The following DPM1 variants were observed in gnomAD, a reference collection of about 807,000 sequenced individuals.
DPM1 encodes dolichyl-phosphate mannosyltransferase subunit 1, catalytic, also known as dolichol-phosphate mannosyltransferase subunit 1.
Under a neutral mutation model 39.0 loss-of-function variants are expected in DPM1, and 27 were observed. That is an observed-to-expected ratio of 0.69 (90% confidence interval 0.51 to 0.95). The LOEUF (loss-of-function observed/expected upper bound fraction) is 0.95, where lower values mean the gene tolerates loss of function less well. Among genes scored for constraint, DPM1 ranks in the 40% least tolerant of loss-of-function variants. DPM1 has a pLI of 0.00. For missense variants in DPM1, 307 were observed against 315.6 expected (o/e 0.97, Z 0.21); for synonymous variants, 124 against 109.0 (o/e 1.14, Z -0.86).
At chr20:50,952,664 G>A (rs1195463101) in intron 2 of DPM1, among the ~76,000 whole-genome samples, 2 of 152,090 alleles carry the variant, frequency 1.3e-5, no homozygotes, top group Non-Finnish European at 2.9e-5. Context: ...TGAATTATCT[G>A]GTTGGTTGGG....
At chr20:50,953,828 C>T (rs937896945) in intron 2 of DPM1, among the ~76,000 whole-genome samples, 4 of 152,202 alleles carry the variant, frequency 2.6e-5, no homozygotes, top group Non-Finnish European at 5.9e-5. Context: ...TGTTGTGAAT[C>T]AGTGGCCTTC....
intron 6 of DPM1, chr20:50,941,229 T>TAC (rs1184952654): frequency 3.8e-5 from 2 of 52,906 alleles, no homozygotes; most frequent in African/African-American, 2.1e-4. Context: ...AAAAAGTGAA[T>TAC]ATATATATAT....
rs547853268 is a variant in DPM1, at chr20:50,943,453, G to A, written c.399-1327C>T. On this transcript the variant is annotated intron_variant, in intron 5 of 8. Coordinates refer to ENST00000371588, the MANE Select transcript of DPM1 (RefSeq NM_003859.3). ...CGGCTCACTGCAACCTCCACCTCCC[G>A]GGTTCAAGTGATTCTCCTGCCTCAG... Among the ~76,000 whole-genome samples the A allele has an allele frequency of 2.3e-4, 34 of 147,962 alleles. 1 individual carries two copies. The South Asian group carries it at 5.5e-3, about 24-fold the overall frequency.
In DPM1 at chr20:50,941,005, G is replaced by A. The variant is rs557692394; in HGVS notation, c.495-72C>T. 5 of 1,331,708 alleles carry A rather than the reference G, an allele frequency of 3.8e-6. No homozygotes were observed. In the African/African-American group the frequency reaches 4.3e-5, roughly 12 times the overall value. The allele number at this position is 1,331,708 out of a possible 1,614,324, so 82.5% of individuals were successfully genotyped here. A position where few individuals can be genotyped will look rare whatever the true frequency, so the allele number is the denominator to read the frequency against. On this transcript the variant is annotated intron_variant, in intron 6 of 8. Coordinates refer to ENST00000371588, the MANE Select transcript of DPM1 (RefSeq NM_003859.3). Reference sequence around the variant, plus strand: ...AACAAGAGAAACACATCGAAGAACAGTGTTAAAATGCTATACTAATTTCAT... The same window carrying A: ...AACAAGAGAAACACATCGAAGAACAATGTTAAAATGCTATACTAATTTCAT...
At chr20:50,946,630 C>G (rs1247789412) in intron 3 of DPM1, among the ~76,000 whole-genome samples, 1 of 152,244 alleles carries the variant, frequency 6.6e-6, no homozygotes, top group Non-Finnish European at 1.5e-5. Context: ...AATTACTCAG[C>G]CAGCTCCATG....
chr20:50,953,807 TAACTC>T lies in DPM1; in HGVS notation c.261+1374_261+1378del, dbSNP rs1986700536. Reference sequence around the variant, plus strand: ...TGGTCCGAGATTAAATGGCAGCACATAACTCAAAAGTGTTGTGAATCAGTGGCCTT... The same window carrying T: ...TGGTCCGAGATTAAATGGCAGCACATAAAAGTGTTGTGAATCAGTGGCCTT... On this transcript the variant is annotated intron_variant, in intron 2 of 8. Transcript: ENST00000371588. Among the ~76,000 whole-genome samples, 3 of 152,304 alleles carry T rather than the reference TAACTC, an allele frequency of 2.0e-5. No individual in the cohort carries two copies. The South Asian group carries it at 6.2e-4, about 32-fold the overall frequency.
At chr20:50,938,908 G>A (rs893760400) in intron 7 of DPM1, among the ~76,000 whole-genome samples, 20 of 151,958 alleles carry the variant, frequency 1.3e-4, no homozygotes, top group African/African-American at 4.8e-4. Flanking sequence ...GAACCTGGGA[G>A]GCGGAGGTTG....
At chr20:50,947,782 C>T (rs1048897252) in intron 3 of DPM1, among the ~76,000 whole-genome samples, 6 of 152,192 alleles carry the variant, frequency 3.9e-5, no homozygotes, top group East Asian at 3.9e-4. Flanking sequence ...ATGCGCGTCA[C>T]GACGCCCAGC....
chr20:50,948,606 G>A (rs1986414615), intron 3 of DPM1, 23 bp downstream of exon 3: 1 of 1,611,986 alleles, frequency 6.2e-7, no homozygotes, highest in Non-Finnish European at 8.5e-7. Flanking sequence ...CAGGTGTGAG[G>A]GGTTAGAGAT....
At position 50,945,896 on chromosome 20, in the gene DPM1, T is replaced by C. The variant is rs988086642; in HGVS notation, c.323A>G (p.His108Arg). Residue 108 changes from histidine to arginine, a missense_variant, in exon 4 of 9, where the codon CAT becomes CGT. Around this residue, in one of 3 missense-constraint regions of DPM1, gnomAD observed 206 missense variants for 188.2 expected, o/e 1.09. Transcript: ENST00000371588. ...AATAATGATGTAGTTTCCTGTGGCATGTTTCATTCCATGAATATATGCAGT... is the reference window on the plus strand; with the variant it reads ...AATAATGATGTAGTTTCCTGTGGCACGTTTCATTCCATGAATATATGCAGT... ...LGTAYIHGMK[H>R]ATGNYIIIMD... 5 of 1,613,704 alleles carry C rather than the reference T, an allele frequency of 3.1e-6. No individual in the cohort carries two copies. The highest frequency in any genetic ancestry group is 4.2e-6 in the Non-Finnish European group (5 of 1,179,798).
At chr20:50,936,325 C>T in intron 7 of DPM1, 63 bp from the exon 8 acceptor site, 2 of 1,131,778 alleles carry the variant, frequency 1.8e-6, no homozygotes, top group Middle Eastern at 2.0e-4. Context: ...GTATCCTGAC[C>T]TTTCAAAGAG....
intron 7 of DPM1, 92 bp downstream of exon 7, chr20:50,940,773 A>G: frequency 9.1e-7 from 1 of 1,097,688 alleles, no homozygotes; most frequent in African/African-American, 1.6e-5. Flanking sequence ...GAATAAAAAC[A>G]AGGTAGAAAT....
At chr20:50,940,086 TTGTGTGTGTGTGTGTGTG>T (rs11469059) in intron 7 of DPM1, among the ~76,000 whole-genome samples, 20 of 146,632 alleles carry the variant, frequency 1.4e-4, no homozygotes, top group East Asian at 1.2e-3. Context: ...AGGTCCTAAT[TTGTGTGTGTGTGTGTGTG>T]TGTGTGTGTG....
intron 1 of DPM1, among the ~76,000 whole-genome samples, chr20:50,956,350 T>G (rs1005474651): frequency 6.6e-6 from 1 of 151,898 alleles, no homozygotes; most frequent in Non-Finnish European, 1.5e-5. Flanking sequence ...ACACCTGTAA[T>G]CCCAGCACTT....
rs568865155 is a variant in DPM1, at chr20:50,943,735, T to C, written c.399-1609A>G. On this transcript the variant is annotated intron_variant, in intron 5 of 8. Transcript: ENST00000371588. ...ATACTGGAATTGCCCAAATGAAGCC[T>C]GAGTATTTTTTTTTTTTTTTTTGAG... Among the ~76,000 whole-genome samples the C allele has an allele frequency of 5.0e-5, 7 of 139,022 alleles. No individual in the cohort carries two copies. The South Asian group carries it at 1.5e-3, about 30-fold the overall frequency. 91.2% of individuals were successfully genotyped at this position (139,022 alleles called of 152,430 possible).
intron 3 of DPM1, among the ~76,000 whole-genome samples, chr20:50,948,182 TCTGA>T (rs1986394101): frequency 6.6e-6 from 1 of 152,114 alleles, no homozygotes. Flanking sequence ...CCCTCCTACC[TCTGA>T]CTGGGAATTT....
intron 1 of DPM1, among the ~76,000 whole-genome samples, chr20:50,958,145 G>A (rs975012937): frequency 2.0e-5 from 3 of 152,224 alleles, no homozygotes; most frequent in African/African-American, 4.8e-5. Context: ...ATAAATGAGA[G>A]TCTCACAAAA....
At position 50,935,244 on chromosome 20, in the gene DPM1, A is replaced by AG. The variant is rs1555819596; in HGVS notation, c.679-9_679-8insC. On this transcript the variant is annotated splice_polypyrimidine_tract_variant and intron_variant, in intron 8 of 8. Transcript: ENST00000371588. ...CACAAATGATATTGGAACCTAGTTTAAAAAAAAAAAAGTAACGTTAGTCTT... is the reference window on the plus strand; with the variant it reads ...CACAAATGATATTGGAACCTAGTTTAGAAAAAAAAAAAGTAACGTTAGTCTT... The AG allele has an allele frequency of 1.2e-5, 9 of 723,836 alleles. No individual in the cohort carries two copies. The highest frequency in any genetic ancestry group is 1.7e-5 in the Non-Finnish European group (9 of 527,566). The allele number at this position is 723,836 out of a possible 1,614,324, so 44.8% of individuals were successfully genotyped here.
intron 3 of DPM1, among the ~76,000 whole-genome samples, chr20:50,947,330 C>T (rs1986347775): frequency 6.6e-6 from 1 of 152,206 alleles, no homozygotes; most frequent in Admixed American, 6.5e-5. Flanking sequence ...GAGATTGTGC[C>T]ACTGCACTCC....
Sources: allele counts gnomAD v4.1 joint callset (sites outside exome capture counted in the v4.1 genomes callset), GRCh38; gene constraint gnomAD v4.1.1; regional missense constraint gnomAD v4.1.1; transcripts MANE v1.5; gene names NCBI Gene and HGNC (gene_info 2026-07-23, HGNC 2026-07-21).